Variants in PKIA observed in about 807,000 individuals in gnomAD.
PKIA encodes PKI-alpha.
Under a neutral mutation model 7.6 loss-of-function variants are expected in PKIA, and 4 were observed. The observed-to-expected ratio is 0.52, with a 90% confidence interval of 0.26 to 1.20. The LOEUF (loss-of-function observed/expected upper bound fraction) is 1.20. Ranked by LOEUF, PKIA falls within the 50% of genes most tolerant of loss-of-function variation. The probability of loss-of-function intolerance (pLI) is 0.13; values close to 1 mark genes in which losing one functional copy is unlikely to be tolerated. For synonymous variants in PKIA, 21 were observed against 30.7 expected (o/e 0.68, Z 1.04); for missense variants, 73 against 86.2 (o/e 0.85, Z 0.61).
chr8:78,603,123 C>A lies in PKIA; in HGVS notation c.*1302C>A, dbSNP rs1171890520. The A allele has an allele frequency of 6.6e-6, 1 of 152,494 alleles. No homozygotes were observed. Among genetic ancestry groups the A allele is most frequent in the East Asian group, 1.9e-4 (1 of 5,160 alleles). 9.4% of individuals were successfully genotyped at this position (152,494 alleles called of 1,614,324 possible). On this transcript the variant is annotated 3_prime_UTR_variant, in exon 4 of 4. Coordinates refer to ENST00000396418, the MANE Select transcript of PKIA (RefSeq NM_006823.4). ...GCCTCTGCTGTGTTTTAACATCGTG[C>A]TTCTTATATGGAAAGTTTTTGTGAG...
intron 2 of PKIA, among the ~76,000 whole-genome samples, chr8:78,576,668 C>T (rs1807680206): frequency 6.6e-6 from 1 of 151,972 alleles, no homozygotes; most frequent in Non-Finnish European, 1.5e-5. Flanking sequence ...CCACATGTGG[C>T]TAATGAGTGA....
chr8:78,588,870 C>A (rs1172267826), intron 2 of PKIA, among the ~76,000 whole-genome samples: 8 of 150,668 alleles, frequency 5.3e-5, no homozygotes, highest in African/African-American at 1.7e-4. Flanking sequence ...CATTGCACCC[C>A]AGCCTGGGCA....
At chr8:78,558,668 G>C (rs1202408659) in intron 1 of PKIA, among the ~76,000 whole-genome samples, 1 of 150,742 alleles carries the variant, frequency 6.6e-6, no homozygotes, top group African/African-American at 2.5e-5. Context: ...AATTCTGGGA[G>C]ATACAATTTA....
At chr8:78,530,182 A>C (rs1204199425) in intron 1 of PKIA, among the ~76,000 whole-genome samples, 1 of 152,062 alleles carries the variant, frequency 6.6e-6, no homozygotes, top group African/African-American at 2.4e-5. Context: ...CAACTCTCTA[A>C]AGTTGGCAGA....
chr8:78,537,305 A>T (rs1039604192), intron 1 of PKIA, among the ~76,000 whole-genome samples: 1 of 151,950 alleles, frequency 6.6e-6, no homozygotes. Context: ...ATAGCTATAA[A>T]CTTTTAGCAA....
chr8:78,591,605 A>C (rs1462001366), intron 2 of PKIA, among the ~76,000 whole-genome samples: 2 of 152,184 alleles, frequency 1.3e-5, no homozygotes, highest in Non-Finnish European at 2.9e-5. Context: ...TTTATGCTTT[A>C]AAATTTAATA....
At chr8:78,554,761 TTATGCAATACATAAAGA>T (rs1442914582) in intron 1 of PKIA, among the ~76,000 whole-genome samples, 1 of 152,080 alleles carries the variant, frequency 6.6e-6, no homozygotes, top group Non-Finnish European at 1.5e-5. Context: ...GAATTTTAGA[TTATGCAATACATAAAGA>T]TGCATTTAGG....
intron 1 of PKIA, among the ~76,000 whole-genome samples, chr8:78,557,870 T>C (rs74739798): frequency 2.6e-5 from 4 of 152,164 alleles, no homozygotes; most frequent in South Asian, 2.1e-4. Flanking sequence ...AGTCTGTGTT[T>C]CCCTGTAACA....
intron 1 of PKIA, among the ~76,000 whole-genome samples, chr8:78,549,514 C>T (rs1316462019): frequency 6.6e-6 from 1 of 151,400 alleles, no homozygotes; most frequent in Admixed American, 6.6e-5. Context: ...TTAGAAATTC[C>T]CATCAAATTT....
At chr8:78,576,989 T>TG (rs879917802) in intron 2 of PKIA, among the ~76,000 whole-genome samples, 43 of 152,086 alleles carry the variant, frequency 2.8e-4, no homozygotes, top group Non-Finnish European at 5.9e-4. Context: ...CACCATGGAA[T>TG]AGTATGTAGC....
At chr8:78,580,055 C>T (rs768247761) in intron 2 of PKIA, among the ~76,000 whole-genome samples, 8 of 151,998 alleles carry the variant, frequency 5.3e-5, no homozygotes, top group Non-Finnish European at 1.2e-4. Context: ...CAGATACTAT[C>T]CCAAGCACTC....
chr8:78,550,616 C>G (rs1806958340), intron 1 of PKIA, among the ~76,000 whole-genome samples: 1 of 152,054 alleles, frequency 6.6e-6, no homozygotes. Context: ...CTCCCCTGAT[C>G]ACCCATCCTC....
chr8:78,538,498 T>C (rs1311977022), intron 1 of PKIA, among the ~76,000 whole-genome samples: 1 of 151,958 alleles, frequency 6.6e-6, no homozygotes, highest in East Asian at 1.9e-4. Flanking sequence ...CAAGCTTATT[T>C]TGGAGTAGTA....
chr8:78,529,482 A>G (rs1373449277), intron 1 of PKIA, among the ~76,000 whole-genome samples: 1 of 152,092 alleles, frequency 6.6e-6, no homozygotes, highest in Non-Finnish European at 1.5e-5. Context: ...TTTCTATGTC[A>G]GTTTTCAAGT....
chr8:78,530,849 CTCCTA>C (rs895431298), intron 1 of PKIA, among the ~76,000 whole-genome samples: 2 of 152,084 alleles, frequency 1.3e-5, no homozygotes, highest in East Asian at 1.9e-4. Flanking sequence ...ACAGAATTCT[CTCCTA>C]TAACTGCATT....
At chr8:78,573,684 C>T (rs1202718860) in intron 2 of PKIA, among the ~76,000 whole-genome samples, 1 of 151,724 alleles carries the variant, frequency 6.6e-6, no homozygotes, top group Non-Finnish European at 1.5e-5. Flanking sequence ...GCACTTGATC[C>T]CTAGTCAGTA....
chr8:78,575,173 GA>G (rs1303354054), intron 2 of PKIA, among the ~76,000 whole-genome samples: 1 of 151,858 alleles, frequency 6.6e-6, no homozygotes, highest in Non-Finnish European at 1.5e-5. Context: ...TGTAAGTTAT[GA>G]AACATAATAA....
At chr8:78,579,870 T>C (rs1218216602) in intron 2 of PKIA, among the ~76,000 whole-genome samples, 4 of 152,030 alleles carry the variant, frequency 2.6e-5, no homozygotes, top group Non-Finnish European at 4.4e-5. Context: ...GACAAGGTCT[T>C]CAGGTGATTC....
intron 1 of PKIA, among the ~76,000 whole-genome samples, chr8:78,542,983 A>G (rs1445437291): frequency 6.6e-6 from 1 of 152,154 alleles, no homozygotes; most frequent in Non-Finnish European, 1.5e-5. Context: ...AAGAGAACCA[A>G]CACAGGAAGT....
Sources: allele counts gnomAD v4.1 joint callset (sites outside exome capture counted in the v4.1 genomes callset), GRCh38; gene constraint gnomAD v4.1.1; transcripts MANE v1.5; gene names NCBI Gene and HGNC (gene_info 2026-07-23, HGNC 2026-07-21).